GSK3A: variants seen among roughly 807,000 people sequenced by gnomAD.
The protein encoded by GSK3A is glycogen synthase kinase 3 alpha, also known as glycogen synthase kinase-3 alpha.
Under a neutral mutation model 56.6 loss-of-function variants are expected in GSK3A, and 14 were observed. The observed-to-expected ratio is 0.25, with a 90% CI of 0.16 to 0.39. The LOEUF (loss-of-function observed/expected upper bound fraction) is 0.39. GSK3A is among the 10% of genes least tolerant of loss of function. The pLI is 1.00. For missense variants in GSK3A, 450 were observed against 656.0 expected, an observed-to-expected ratio of 0.69 and a Z score of 3.43; for synonymous variants, 301 against 285.0, an observed-to-expected ratio of 1.06 and a Z score of -0.56.
At chr19:42,240,395 T>G in intron 1 of GSK3A, 2 of 583,320 alleles carry the variant, frequency 3.4e-6, no homozygotes, top group Non-Finnish European at 6.1e-6. Flanking sequence ...GCTTCAAGGG[T>G]TGGCAACCCC....
At chr19:42,233,542 C>T (rs1295367935) in intron 6 of GSK3A, among the ~76,000 whole-genome samples, 159 bp from the exon 7 acceptor site, 2 of 152,120 alleles carry the variant, frequency 1.3e-5, no homozygotes, top group Non-Finnish European at 2.9e-5. Context: ...AACATGGGCC[C>T]GACCTTGACC....
chr19:42,242,231 C>A lies in GSK3A; in HGVS notation c.235G>T (p.Gly79Cys). 1 of 1,441,396 alleles carries A rather than the reference C, an allele frequency of 6.9e-7. No individual in the cohort carries two copies. Among genetic ancestry groups the A allele is most frequent in the Non-Finnish European group, 9.1e-7 (1 of 1,101,814 alleles). The allele number at this position is 1,441,396 out of a possible 1,614,324, so 89.3% of individuals were successfully genotyped here. The stretch of plus-strand genomic sequence containing the variant: ...GGGAAGCTAGTGCCTGCGCCGGGGC[C>A]TCCGCTGCCTCCTCCGCCGCTGCCG... ...PGGSGGGGSG[G>C]PGAGTSFPPP... Residue 79 changes from glycine (G) to cysteine (C), a missense_variant, in exon 1 of 11, where the codon GGC becomes TGC. Transcript: ENST00000222330.
chr19:42,233,160 TG>T lies in GSK3A; in HGVS notation c.1047del (p.Asn350ThrfsTer46). 1 of 1,609,776 alleles carries T rather than the reference TG, an allele frequency of 6.2e-7. No homozygotes were observed. The highest frequency in any genetic ancestry group is 8.5e-7 in the Non-Finnish European group (1 of 1,177,686). On this transcript the variant is annotated frameshift_variant, in exon 8 of 11. Transcript: ENST00000222330. LOFTEE classifies it high-confidence loss of function. Reference sequence around the variant, plus strand: ...TGAGGGAACTTGAACTCCGTGTAGTTGGGGTTCATCTCTCGGATTTGTTCCC... The same window carrying T: ...TGAGGGAACTTGAACTCCGTGTAGTTGGGTTCATCTCTCGGATTTGTTCCC... ...PTREQIREMN[P>X]NYTEFKFPQI...
chr19:42,233,377 C>A lies in GSK3A; in HGVS notation c.911G>T (p.Trp304Leu). 6.3e-7 allele frequency: 1 copy of A among 1,574,912 alleles called. No homozygotes were observed. The highest frequency in any genetic ancestry group is 8.6e-7 in the Non-Finnish European group (1 of 1,157,908). The change falls in exon 7 of 11, where the codon TGG becomes TTG. Residue 304 changes from tryptophan (W) to leucine (L), a missense_variant. Around this residue, in one of 3 missense-constraint regions of GSK3A, gnomAD observed 144 missense variants for 308.0 expected, o/e 0.47. Transcript: ENST00000222330. Reference sequence around the variant, plus strand: ...CTCTGCCAGTACACAGCCAGCTGACCAAACATCTGAGGGGAAATGGAGGGA... The same window carrying A: ...CTCTGCCAGTACACAGCCAGCTGACAAAACATCTGAGGGGAAATGGAGGGA... ...ATDYTSSIDVWSAGCVLAELL... is the reference protein window; with the variant it reads ...ATDYTSSIDVLSAGCVLAELL...
In GSK3A at chr19:42,234,361, G is replaced by A; in HGVS notation, c.896C>T (p.Ser299Leu). 6.2e-7 allele frequency: 1 copy of A among 1,612,690 alleles called. No homozygotes were observed. Among genetic ancestry groups the A allele is most frequent in the Non-Finnish European group, 8.5e-7 (1 of 1,178,664 alleles). ...ELIFGATDYTSSIDVWSAGCV... is the reference protein window; with the variant it reads ...ELIFGATDYTLSIDVWSAGCV... ...CCTCCCATAACTCTGACCGATGGAT[G>A]AGGTGTAATCAGTGGCTCCAAAGAT... The change falls in exon 6 of 11, where the codon TCA becomes TTA. Residue 299 changes from serine (S) to leucine (L), a missense_variant. Ser to Leu is a moderately radical substitution (Grantham distance 145). This residue lies in a region of GSK3A where 144 missense variants were observed against 308.0 expected (regional missense o/e 0.47). Transcript: ENST00000222330. This position sits in a 1 kb window ranked among gnomAD's most constrained non-coding sequence, Gnocchi z 5.7.
At chr19:42,241,926 G>A (rs1259082310) in intron 1 of GSK3A, 5 of 372,022 alleles carry the variant, frequency 1.3e-5, no homozygotes, top group Non-Finnish European at 1.9e-5. Flanking sequence ...AAGGACCCAA[G>A]ACCTCAATAA....
At chr19:42,237,615 C>T (rs1175264328) in intron 2 of GSK3A, among the ~76,000 whole-genome samples, 1 of 151,620 alleles carries the variant, frequency 6.6e-6, no homozygotes, top group African/African-American at 2.4e-5. Context: ...TGGTGGCTCA[C>T]GCCTGTAATC....
In GSK3A at chr19:42,242,576, T is replaced by C. The variant is rs896733051; in HGVS notation, c.-111A>G. On this transcript the variant is annotated 5_prime_UTR_variant, in exon 1 of 11. Transcript: ENST00000222330. The stretch of plus-strand genomic sequence containing the variant: ...TGGCCTCTTCCAGGCCGCGCCGCTC[T>C]GGCTTGGGCTCCGGCTCCGGCCCAG... The C allele has an allele frequency of 5.7e-6, 5 of 881,516 alleles. No homozygotes were observed. Among genetic ancestry groups the C allele is most frequent in the Non-Finnish European group, 7.2e-6 (5 of 696,472 alleles). The allele number at this position is 881,516 out of a possible 1,614,324, so 54.6% of individuals were successfully genotyped here.
rs781132710 is a variant in GSK3A, at chr19:42,233,277, G to T, written c.1002+9C>A. 2.0e-5 allele frequency: 10 copies of T among 490,350 alleles called. No homozygotes were observed. The highest frequency in any genetic ancestry group is 4.7e-4 in the Middle Eastern group (1 of 2,124). The allele number at this position is 490,350 out of a possible 1,614,324, so 30.4% of individuals were successfully genotyped here. A position where few individuals can be genotyped will look rare whatever the true frequency, so the allele number is the denominator to read the frequency against. ...CCCACCCCCTGCCCAGCCCAGCCCC[G>T]CCCCTCACCTTGATGATCTCCACCA... On this transcript the variant is annotated intron_variant, in intron 7 of 10. Transcript: ENST00000222330.
At chr19:42,242,162 A>C (rs1208260579) in intron 1 of GSK3A, 21 bp downstream of exon 1, 30 of 1,356,902 alleles carry the variant, frequency 2.2e-5, no homozygotes, top group Non-Finnish European at 2.8e-5. Flanking sequence ...ACCACCCTAC[A>C]CGGGCGCCAC....
intron 2 of GSK3A, among the ~76,000 whole-genome samples, chr19:42,237,901 A>G (rs1052107375): frequency 6.6e-6 from 1 of 151,000 alleles, no homozygotes; most frequent in Non-Finnish European, 1.5e-5. Context: ...ATAAATAAAT[A>G]AGATAAAATT....
intron 9 of GSK3A, 56 bp from the exon 10 acceptor site, chr19:42,232,205 G>T: frequency 1.9e-6 from 2 of 1,080,264 alleles, no homozygotes; most frequent in African/African-American, 1.6e-5. Flanking sequence ...GTTATGATGG[G>T]CACCAAATGG....
At position 42,230,531 on chromosome 19, in the gene GSK3A, G is replaced by C; in HGVS notation, c.*263C>G. The stretch of plus-strand genomic sequence containing the variant: ...GAGGTGGAGGTCTGGGGGAGGGGAG[G>C]GGGCCAAGGGGGTAGGAGGTCCTCA... On this transcript the variant is annotated 3_prime_UTR_variant, in exon 11 of 11. Transcript: ENST00000222330. The C allele has an allele frequency of 7.8e-6, 4 of 512,236 alleles. No homozygotes were observed. The highest frequency in any genetic ancestry group is 1.4e-5 in the Non-Finnish European group (4 of 285,488). The allele number at this position is 512,236 out of a possible 1,614,324, so 31.7% of individuals were successfully genotyped here. A position where few individuals can be genotyped will look rare whatever the true frequency, so the allele number is the denominator to read the frequency against.
Position 42,242,311 on chromosome 19 carries a change from G to A in GSK3A, c.155C>T (p.Ser52Phe). The part of the protein sequence containing the change: ...GPGGTGGGKA[S>F]VGAMGGGVGA... ...GACGCCCCCACCCATGGCCCCGACA[G>A]ATGCCTTTCCGCCGCCGGTGCCGCC... The change falls in exon 1 of 11, where the codon TCT becomes TTT. Residue 52 changes from serine to phenylalanine, a missense_variant. Ser to Phe is a radical substitution (Grantham distance 155, BLOSUM62 -2). Coordinates refer to ENST00000222330, the MANE Select transcript of GSK3A (RefSeq NM_019884.3). 1.4e-6 allele frequency: 2 copies of A among 1,437,218 alleles called. No homozygotes were observed. Among genetic ancestry groups the A allele is most frequent in the Non-Finnish European group, 1.8e-6 (2 of 1,101,364 alleles). 89.0% of individuals were successfully genotyped at this position (1,437,218 alleles called of 1,614,324 possible). A position where few individuals can be genotyped will look rare whatever the true frequency, so the allele number is the denominator to read the frequency against.
At position 42,234,761 on chromosome 19, in the gene GSK3A, C is replaced by T; in HGVS notation, c.667-83G>A. Reference sequence around the variant, plus strand: ...ACCCCACCAGCTTGGCCTGAAGAGCCCTTCCAGGCCCACTCTCCCTGCTGC... The same window carrying T: ...ACCCCACCAGCTTGGCCTGAAGAGCTCTTCCAGGCCCACTCTCCCTGCTGC... On this transcript the variant is annotated intron_variant, in intron 4 of 10. Coordinates refer to ENST00000222330, the MANE Select transcript of GSK3A (RefSeq NM_019884.3). The surrounding 1 kb of genome is among the most constrained non-coding windows in gnomAD (Gnocchi z 5.7). The T allele has an allele frequency of 1.5e-6, 2 of 1,372,682 alleles. No homozygotes were observed. The highest frequency in any genetic ancestry group is 1.9e-6 in the Non-Finnish European group (2 of 1,034,586). 85.0% of individuals were successfully genotyped at this position (1,372,682 alleles called of 1,614,324 possible). A position where few individuals can be genotyped will look rare whatever the true frequency, so the allele number is the denominator to read the frequency against.
At position 42,242,367 on chromosome 19, in the gene GSK3A, G is replaced by T. The variant is rs780371709; in HGVS notation, c.99C>A (p.Gly33=). ...CGGAGGCCGAGCCTCCGGGGCCGCCGCCGCCTCCTCCGCCTCCGCCGCCGG... is the reference window on the plus strand; with the variant it reads ...CGGAGGCCGAGCCTCCGGGGCCGCCTCCGCCTCCTCCGCCTCCGCCGCCGG... The part of the protein sequence containing the change: ...AEPGGGGGGG[G]GGPGGSASGP... The change falls in exon 1 of 11, where the codon GGC becomes GGA. Residue 33 remains glycine (G), a synonymous_variant. Coordinates refer to ENST00000222330, the MANE Select transcript of GSK3A (RefSeq NM_019884.3). The T allele has an allele frequency of 2.0e-4, 277 of 1,400,516 alleles. No individual in the cohort carries two copies. Among genetic ancestry groups the T allele is most frequent in the Non-Finnish European group, 2.4e-4 (260 of 1,080,070 alleles). 86.8% of individuals were successfully genotyped at this position (1,400,516 alleles called of 1,614,324 possible).
rs1339433713 is a variant in GSK3A at position 42,239,948 on chromosome 19, A to G, written c.471+7T>C. On this transcript the variant is annotated splice_region_variant and intron_variant, in intron 2 of 10. Coordinates refer to ENST00000222330, the MANE Select transcript of GSK3A (RefSeq NM_019884.3). The stretch of plus-strand genomic sequence containing the variant: ...AAACCTCCCTGTCCCCATCCCGCCC[A>G]AGCTACCTTGAACCTCTTGTCCTGG... 3 of 1,613,104 alleles carry G rather than the reference A, an allele frequency of 1.9e-6. No homozygotes were observed. The East Asian group carries it at 6.7e-5, about 36-fold the overall frequency.
chr19:42,242,364 GCCGCCGCCT>G lies in GSK3A; in HGVS notation c.93_101del (p.Gly33_Gly35del). On this transcript the variant is annotated inframe_deletion, in exon 1 of 11. Transcript: ENST00000222330. ...GGCCGGAGGCCGAGCCTCCGGGGCCGCCGCCGCCTCCTCCGCCTCCGCCGCCGGGCTCCG... is the reference window on the plus strand; with the variant it reads ...GGCCGGAGGCCGAGCCTCCGGGGCCGCCTCCGCCTCCGCCGCCGGGCTCCG... 1 of 1,401,278 alleles carries G rather than the reference GCCGCCGCCT, an allele frequency of 7.1e-7. No individual in the cohort carries two copies. The highest frequency in any genetic ancestry group is 1.5e-5 in the South Asian group (1 of 66,142). The allele number at this position is 1,401,278 out of a possible 1,614,324, so 86.8% of individuals were successfully genotyped here.
chr19:42,232,156 A>C lies in GSK3A; in HGVS notation c.1286-7T>G. 1 of 1,512,564 alleles carries C rather than the reference A, an allele frequency of 6.6e-7. No homozygotes were observed. Among genetic ancestry groups the C allele is most frequent in the Non-Finnish European group, 9.2e-7 (1 of 1,089,200 alleles). The allele number at this position is 1,512,564 out of a possible 1,614,324, so 93.7% of individuals were successfully genotyped here. On this transcript the variant is annotated splice_polypyrimidine_tract_variant and splice_region_variant and intron_variant, in intron 9 of 10. Coordinates refer to ENST00000222330, the MANE Select transcript of GSK3A (RefSeq NM_019884.3). The stretch of plus-strand genomic sequence containing the variant: ...GACGGTTGGATGGAGAGTTCTAGAA[A>C]CAGGAATTGACATGCTAGTCAGGGT...
Sources: allele counts gnomAD v4.1 joint callset (sites outside exome capture counted in the v4.1 genomes callset), GRCh38; gene constraint gnomAD v4.1.1; regional missense constraint gnomAD v4.1.1; non-coding constraint Gnocchi (gnomAD v3.1); transcripts MANE v1.5; gene names NCBI Gene and HGNC (gene_info 2026-07-23, HGNC 2026-07-21).